The following SYNDIG1L variants were observed in gnomAD, a reference collection of about 807,000 sequenced individuals.
The protein encoded by SYNDIG1L is synapse differentiation inducing 1 like, also known as synapse differentiation-inducing gene protein 1-like.
SYNDIG1L carries 13 observed loss-of-function variants against 20.1 expected under a neutral mutation model. That is an observed-to-expected ratio of 0.65 (90% confidence interval 0.42 to 1.03). SYNDIG1L has a LOEUF of 1.03. Ranked by LOEUF, SYNDIG1L falls within the 50% of genes least tolerant of loss-of-function variation. SYNDIG1L has a pLI of 0.00. For synonymous variants in SYNDIG1L, 128 were observed against 129.3 expected, an observed-to-expected ratio of 0.99 and a Z score of 0.07; for missense variants, 294 against 305.1, an observed-to-expected ratio of 0.96 and a Z score of 0.27.
At chr14:74,463,146 C>T in the SYNDIG1L span, among the ~76,000 whole-genome samples, 1 of 152,234 alleles carries the variant, frequency 6.6e-6, no homozygotes, top group African/African-American at 2.4e-5. Flanking sequence ...TCTCCAATAA[C>T]TTCCTTGTTT....
At chr14:74,477,385 TTC>T in the SYNDIG1L span, among the ~76,000 whole-genome samples, 1 of 152,204 alleles carries the variant, frequency 6.6e-6, no homozygotes, top group Non-Finnish European at 1.5e-5. Flanking sequence ...CCAGATCATT[TTC>T]TCTTAGTTGA....
At chr14:74,455,394 C>CTTTTT in the SYNDIG1L span, among the ~76,000 whole-genome samples, 1 of 123,768 alleles carries the variant, frequency 8.1e-6, no homozygotes, top group Non-Finnish European at 1.6e-5. Context: ...CTTCCCCAAT[C>CTTTTT]TTTTTTTTTT....
the SYNDIG1L span, among the ~76,000 whole-genome samples, chr14:74,459,117 C>A: frequency 6.6e-6 from 1 of 152,130 alleles, no homozygotes; most frequent in African/African-American, 2.4e-5. Context: ...GAGCAAGCAG[C>A]ACTGTCTCTG....
chr14:74,475,566 T>C, the SYNDIG1L span, among the ~76,000 whole-genome samples: 1 of 150,922 alleles, frequency 6.6e-6, no homozygotes. Flanking sequence ...TCTAGTGGCA[T>C]CTCTCTCTCT....
At chr14:74,445,514 T>G in the SYNDIG1L span, among the ~76,000 whole-genome samples, 24 of 151,956 alleles carry the variant, frequency 1.6e-4, no homozygotes, top group African/African-American at 5.8e-4. Context: ...TCACTCTGTT[T>G]TCTAGGCTGT....
At position 74,407,973 on chromosome 14, in the gene SYNDIG1L, G is replaced by A. The variant is rs746990444; in HGVS notation, c.434C>T (p.Thr145Met). The A allele has an allele frequency of 9.3e-6, 15 of 1,611,944 alleles. No homozygotes were observed. Among genetic ancestry groups the A allele is most frequent in the Admixed American group, 6.7e-5 (4 of 59,780 alleles). ...GAAGTTGTCTTCACTTTCACTCTCC[G>A]TTGAAGTGGCATCGCTCTGCAAAAC... is the stretch of plus-strand genomic sequence containing the variant. ...QEEEESDATS[T>M]ESESEDNFLT... is the part of the protein sequence containing the mutation. Residue 145 changes from threonine (T) to methionine (M), a missense_variant, in exon 3 of 4, where the codon ACG becomes ATG. Physicochemically the swap from Thr to Met is moderately conservative, Grantham distance 81. Coordinates refer to ENST00000331628, the MANE Select transcript of SYNDIG1L (RefSeq NM_001105579.2).
the SYNDIG1L span, among the ~76,000 whole-genome samples, chr14:74,435,916 C>T: frequency 6.6e-6 from 1 of 152,124 alleles, no homozygotes; most frequent in Non-Finnish European, 1.5e-5. Flanking sequence ...GTGAGTGTGT[C>T]CAAGTTTCTA....
the SYNDIG1L span, among the ~76,000 whole-genome samples, chr14:74,445,318 A>G: frequency 6.6e-6 from 1 of 152,192 alleles, no homozygotes; most frequent in Non-Finnish European, 1.5e-5. Flanking sequence ...TTTTTAAAAT[A>G]TATATATAAA....
chr14:74,409,091 T>TAC, intron 2 of SYNDIG1L, among the ~76,000 whole-genome samples: 1 of 150,424 alleles, frequency 6.6e-6, no homozygotes, highest in East Asian at 1.9e-4. Flanking sequence ...TTTATTTATA[T>TAC]TTTTTTGAGT....
the SYNDIG1L span, among the ~76,000 whole-genome samples, chr14:74,469,404 A>G: frequency 6.6e-6 from 1 of 151,386 alleles, no homozygotes. Context: ...TAGCTTTAGG[A>G]GAAATACCTA....
At chr14:74,415,173 CAG>C (rs1182520456) in intron 1 of SYNDIG1L, among the ~76,000 whole-genome samples, 3 of 152,186 alleles carry the variant, frequency 2.0e-5, no homozygotes, top group African/African-American at 7.2e-5. Context: ...AGGAGCAACT[CAG>C]AAACAAACCA....
intron 1 of SYNDIG1L, among the ~76,000 whole-genome samples, chr14:74,423,690 A>G (rs59459246): frequency 0.34 from 17,337 of 51,650 alleles, 2,018 homozygotes; most frequent in African/African-American, 0.54. Context: ...ATTGATATAT[A>G]TATACACACA....
chr14:74,411,645 G>C (rs1470218875), intron 1 of SYNDIG1L, among the ~76,000 whole-genome samples: 3 of 152,216 alleles, frequency 2.0e-5, no homozygotes, highest in Non-Finnish European at 4.4e-5. Context: ...GACAGAGCAA[G>C]GGAGGAGTGG....
At chr14:74,418,638 G>A (rs1006734284) in intron 1 of SYNDIG1L, among the ~76,000 whole-genome samples, 1 of 152,176 alleles carries the variant, frequency 6.6e-6, no homozygotes, top group African/African-American at 2.4e-5. Flanking sequence ...TGTGACTTCT[G>A]AGGCCAAGGC....
At position 74,409,080 on chromosome 14, in the gene SYNDIG1L, ATT is replaced by A. The variant is rs1352218054; in HGVS notation, c.417+246_417+247del. 2.6e-3 allele frequency among the ~76,000 whole-genome samples: 392 copies of A among 148,690 alleles called. 1 individual carries two copies. Among genetic ancestry groups the A allele is most frequent in the African/African-American group, 8.9e-3 (358 of 40,406 alleles). The stretch of plus-strand genomic sequence containing the variant: ...TATTTATTTATTTATTTATTTATTT[ATT>A]TATTTATATTTTTTTGAGTCAGGCT... On this transcript the variant is annotated intron_variant, in intron 2 of 3. Coordinates refer to ENST00000331628, the MANE Select transcript of SYNDIG1L (RefSeq NM_001105579.2).
At chr14:74,474,880 A>AT in the SYNDIG1L span, 1 of 152,128 alleles carries the variant, frequency 6.6e-6, no homozygotes, top group Admixed American at 6.6e-5. Context: ...GAAAAAAGAC[A>AT]TTTTTCCCTA....
At chr14:74,408,029 G>T in intron 2 of SYNDIG1L, 40 bp from the exon 3 acceptor site, 2 of 1,558,076 alleles carry the variant, frequency 1.3e-6, no homozygotes, top group Non-Finnish European at 1.7e-6. Context: ...CCCAGGATCA[G>T]CCCAGCCCCA....
chr14:74,418,184 C>A (rs370116128), intron 1 of SYNDIG1L, among the ~76,000 whole-genome samples: 1 of 152,156 alleles, frequency 6.6e-6, no homozygotes, highest in Non-Finnish European at 1.5e-5. Context: ...GATGGCTTGG[C>A]GCTGGATTTG....
chr14:74,424,293 G>C (rs575764630), intron 1 of SYNDIG1L, among the ~76,000 whole-genome samples: 2 of 152,334 alleles, frequency 1.3e-5, no homozygotes, highest in East Asian at 3.9e-4. Context: ...ACCTGCCTGA[G>C]ACAGCGGCGG....
Sources: gnomAD v4.1 joint callset for allele counts (sites outside exome capture counted in the v4.1 genomes callset) on GRCh38, gnomAD v4.1.1 for gene constraint, MANE v1.5 for transcripts, NCBI Gene and HGNC (gene_info 2026-07-23, HGNC 2026-07-21) for gene names.